RALGPS1: variants seen among roughly 807,000 people sequenced by gnomAD.
RALGPS1 encodes ras-specific guanine nucleotide-releasing factor RalGPS1.
A neutral mutation model predicts 78.8 loss-of-function variants in RALGPS1; 19 were observed. That is an observed-to-expected ratio of 0.24 (90% confidence interval 0.17 to 0.35). RALGPS1 has a LOEUF of 0.35. RALGPS1 is among the 10% of genes least tolerant of loss of function. The pLI is 1.00. For missense variants in RALGPS1, 454 were observed against 688.3 expected (o/e 0.66, Z 3.81); for synonymous variants, 228 against 256.3 (o/e 0.89, Z 1.06).
At chr9:127,088,895 G>A in intron 8 of RALGPS1, 1 of 1,607,626 alleles carries the variant, frequency 6.2e-7, no homozygotes, top group Non-Finnish European at 8.5e-7. Flanking sequence ...TGACCAGGGT[G>A]GGCTCCTGGC....
intron 8 of RALGPS1, among the ~76,000 whole-genome samples, chr9:127,090,628 AG>A (rs1359816455): frequency 6.6e-6 from 1 of 152,230 alleles, no homozygotes; most frequent in Non-Finnish European, 1.5e-5. Context: ...CCTGAAGTAC[AG>A]GCCATTTGTA....
Position 126,985,543 on chromosome 9 carries a change from T to A in RALGPS1, c.216+7798T>A, listed in dbSNP as rs565308605. Among the ~76,000 whole-genome samples, 4 of 152,370 alleles carry A rather than the reference T, an allele frequency of 2.6e-5. No individual in the cohort carries two copies. In the South Asian group the frequency reaches 6.2e-4, roughly 24 times the overall value. The stretch of plus-strand genomic sequence containing the variant: ...TTTTATTTTACAGTGACAATTTTGG[T>A]TCCTAGCAACATTACTTACTTTATA... On this transcript the variant is annotated intron_variant, in intron 4 of 18. Transcript: ENST00000259351.
Position 127,052,855 on chromosome 9 carries a change from A to G in RALGPS1, c.399A>G (p.Leu133=), listed in dbSNP as rs750745454. Residue 133 remains leucine (L), a synonymous_variant, in exon 7 of 19, where the codon CTA becomes CTG. Transcript: ENST00000259351. ...SHFVKIAKKL[L]ELNNLHSLMS... is the part of the protein sequence containing the mutation. ...CCATATCTTTTTTTCAGAAACTTCT[A>G]GAACTCAACAACCTTCATTCTCTCA... is the stretch of plus-strand genomic sequence containing the variant. The G allele has an allele frequency of 4.9e-5, 78 of 1,603,402 alleles. No individual in the cohort carries two copies. The highest frequency in any genetic ancestry group is 6.7e-5 in the African/African-American group (5 of 74,680).
At chr9:127,182,649 G>C (rs2060348444) in intron 11 of RALGPS1, among the ~76,000 whole-genome samples, 1 of 151,918 alleles carries the variant, frequency 6.6e-6, no homozygotes, top group Admixed American at 6.6e-5. Context: ...GGCTGCTCTT[G>C]AACTCCTGAC....
intron 4 of RALGPS1, among the ~76,000 whole-genome samples, chr9:127,033,615 T>C (rs1264626887): frequency 2.6e-5 from 4 of 152,248 alleles, no homozygotes; most frequent in East Asian, 1.9e-4. Context: ...CAACCTTTGC[T>C]ACCTTTCCTC....
intron 5 of RALGPS1, among the ~76,000 whole-genome samples, chr9:127,037,678 A>T (rs192083646): frequency 1.4e-4 from 22 of 152,320 alleles, no homozygotes; most frequent in Non-Finnish European, 2.4e-4. Context: ...TGGTTGCAGG[A>T]TGGCTAGCAA....
intron 1 of RALGPS1, among the ~76,000 whole-genome samples, chr9:126,939,790 C>T (rs567424889): frequency 6.6e-6 from 1 of 152,282 alleles, no homozygotes; most frequent in Admixed American, 6.5e-5. Flanking sequence ...AGGGAGCAGC[C>T]GCATTGGCAT....
At chr9:127,055,211 TA>T (rs2048639969) in intron 7 of RALGPS1, among the ~76,000 whole-genome samples, 1 of 103,888 alleles carries the variant, frequency 9.6e-6, no homozygotes, top group South Asian at 3.4e-4. Flanking sequence ...TCTATCTATC[TA>T]TCTGTCTGTC....
At chr9:126,989,697 T>C (rs1162739934) in intron 4 of RALGPS1, among the ~76,000 whole-genome samples, 1 of 152,226 alleles carries the variant, frequency 6.6e-6, no homozygotes, top group Non-Finnish European at 1.5e-5. Flanking sequence ...AAGGCAGTTC[T>C]GGTTAGAATG....
chr9:127,184,319 CAGGAAAAA>C (rs1055765580), intron 11 of RALGPS1: 1 of 236,188 alleles, frequency 4.2e-6, no homozygotes, highest in African/African-American at 2.5e-5. Context: ...GACCTTGTCT[CAGGAAAAA>C]AAAAAAAAAG....
intron 4 of RALGPS1, among the ~76,000 whole-genome samples, chr9:127,003,320 T>C (rs2043520866): frequency 6.6e-6 from 1 of 152,034 alleles, no homozygotes; most frequent in Admixed American, 6.6e-5. Context: ...AAAGGGCTAA[T>C]ATCCAGAATC....
Position 126,954,301 on chromosome 9 carries a change from G to C in RALGPS1, c.-65-7924G>C, listed in dbSNP as rs759656559. 2.0e-4 allele frequency among the ~76,000 whole-genome samples: 30 copies of C among 152,168 alleles called. 1 individual carries two copies. Among genetic ancestry groups the C allele is most frequent in the South Asian group, 2.1e-4 (1 of 4,830 alleles). On this transcript the variant is annotated intron_variant, in intron 1 of 18. Transcript: ENST00000259351. ...TTTTCCCCCTGCATGCAGTCCATCA[G>C]TAAGTCTTGTCTATGCAACCTCCAG...
intron 8 of RALGPS1, among the ~76,000 whole-genome samples, chr9:127,148,604 G>A (rs1223058193): frequency 6.6e-6 from 1 of 152,212 alleles, no homozygotes; most frequent in Non-Finnish European, 1.5e-5. Flanking sequence ...ATGAGGTGAG[G>A]CTCAGAAGGG....
chr9:127,142,996 T>G (rs2057882786), intron 8 of RALGPS1, among the ~76,000 whole-genome samples: 1 of 152,222 alleles, frequency 6.6e-6, no homozygotes. Flanking sequence ...CTGTAAAATT[T>G]TTTAAAGCAC....
chr9:127,133,854 A>G (rs573255770), intron 8 of RALGPS1, among the ~76,000 whole-genome samples: 54 of 152,160 alleles, frequency 3.5e-4, no homozygotes, highest in Non-Finnish European at 6.6e-4. Flanking sequence ...CTCTGTGGTC[A>G]GAGTGTTTAT....
chr9:127,190,369 G>A (rs1174566772), intron 11 of RALGPS1, among the ~76,000 whole-genome samples: 1 of 152,186 alleles, frequency 6.6e-6, no homozygotes, highest in African/African-American at 2.4e-5. Context: ...AGTTGCCCAG[G>A]CTGGAGTGCA....
intron 1 of RALGPS1, among the ~76,000 whole-genome samples, chr9:126,915,294 G>T (rs2034007332): frequency 7.4e-6 from 1 of 134,940 alleles, no homozygotes; most frequent in Admixed American, 7.3e-5. Flanking sequence ...CGGGGGGGCA[G>T]TTGGGCGGGG....
At chr9:126,959,726 C>T (rs874799) in intron 1 of RALGPS1, among the ~76,000 whole-genome samples, 2 of 151,970 alleles carry the variant, frequency 1.3e-5, no homozygotes, top group African/African-American at 4.8e-5. Flanking sequence ...TTTGCCTTGT[C>T]TCTACTCACA....
Position 126,914,810 on chromosome 9 carries a change from G to A in RALGPS1, c.-231G>A, listed in dbSNP as rs905525366. 1.3e-5 allele frequency: 2 copies of A among 152,224 alleles called. No individual in the cohort carries two copies. The highest frequency in any genetic ancestry group is 2.4e-5 in the African/African-American group (1 of 41,440). 9.4% of individuals were successfully genotyped at this position (152,224 alleles called of 1,614,324 possible). ...CCCTGGAGCGGACGGTTCCTACTGC[G>A]GCTGGGCACCGGCTCCGCTCCCGCG... On this transcript the variant is annotated 5_prime_UTR_variant, in exon 1 of 19. Coordinates refer to ENST00000259351, the MANE Select transcript of RALGPS1 (RefSeq NM_014636.3).
Sources: gnomAD v4.1 joint callset for allele counts (sites outside exome capture counted in the v4.1 genomes callset) on GRCh38, gnomAD v4.1.1 for gene constraint, MANE v1.5 for transcripts, NCBI Gene and HGNC (gene_info 2026-07-23, HGNC 2026-07-21) for gene names.